The following ARPP19 variants were observed in gnomAD, a reference collection of about 807,000 sequenced individuals.
ARPP19 encodes the protein cAMP regulated phosphoprotein 19.
A neutral mutation model predicts 12.0 loss-of-function variants in ARPP19; 8 were observed. The observed-to-expected ratio is 0.67, with a 90% CI of 0.39 to 1.21. The LOEUF is 1.21. Ranked by LOEUF, ARPP19 falls within the 50% of genes most tolerant of loss-of-function variation. The pLI is 0.01. For missense variants in ARPP19, 102 were observed against 136.3 expected, an observed-to-expected ratio of 0.75 and a Z score of 1.25; for synonymous variants, 47 against 50.4, an observed-to-expected ratio of 0.93 and a Z score of 0.29.
Position 52,548,176 on chromosome 15 carries a change from TAAAC to T in ARPP19, c.*3754_*3757del, listed in dbSNP as rs2077895529. 6.6e-6 allele frequency: 1 copy of T among 152,226 alleles called. No individual in the cohort carries two copies. 9.4% of individuals were successfully genotyped at this position (152,226 alleles called of 1,614,324 possible). A position where few individuals can be genotyped will look rare whatever the true frequency, so the allele number is the denominator to read the frequency against. On this transcript the variant is annotated 3_prime_UTR_variant, in exon 3 of 3. Coordinates refer to ENST00000249822, the MANE Select transcript of ARPP19 (RefSeq NM_006628.6). ...AATATTATGTGGAAAATTCCAGAAA[TAAAC>T]AATTCATGTTTTAAATCATAAGCCG...
chr15:52,563,873 C>T lies in ARPP19; in HGVS notation c.45+4975G>A, dbSNP rs112312221. Among the ~76,000 whole-genome samples, 994 of 152,316 alleles carry T rather than the reference C, an allele frequency of 6.5e-3. 6 individuals are homozygous for T. Among genetic ancestry groups the T allele is most frequent in the Middle Eastern group, 0.01 (3 of 294 alleles). On this transcript the variant is annotated intron_variant, in intron 1 of 2. Coordinates refer to ENST00000249822, the MANE Select transcript of ARPP19 (RefSeq NM_006628.6). ...CTGTATCAAGCTCTATGGAAAATTA[C>T]TGTTGTCATTCTATTAAGTCTTTGT... is the stretch of plus-strand genomic sequence containing the variant.
chr15:52,550,554 T>A lies in ARPP19; in HGVS notation c.*1380A>T, dbSNP rs1043372118. The A allele has an allele frequency of 5.9e-5, 9 of 152,062 alleles. No individual in the cohort carries two copies. The highest frequency in any genetic ancestry group is 1.9e-4 in the African/African-American group (8 of 41,396). The allele number at this position is 152,062 out of a possible 1,614,324, so 9.4% of individuals were successfully genotyped here. ...AGTTAACTTGAGCCTAGGAGTAAGGTTGCAGTGAGCTGTGATTGCACTACT... is the reference window on the plus strand; with the variant it reads ...AGTTAACTTGAGCCTAGGAGTAAGGATGCAGTGAGCTGTGATTGCACTACT... On this transcript the variant is annotated 3_prime_UTR_variant, in exon 3 of 3. Transcript: ENST00000249822.
rs1595857500 is a variant in ARPP19 at position 52,547,452 on chromosome 15, G to A, written c.*4482C>T. 1 of 152,322 alleles carries A rather than the reference G, an allele frequency of 6.6e-6. No homozygotes were observed. The highest frequency in any genetic ancestry group is 3.4e-3 in the Middle Eastern group (1 of 294). The allele number at this position is 152,322 out of a possible 1,614,324, so 9.4% of individuals were successfully genotyped here. A position where few individuals can be genotyped will look rare whatever the true frequency, so the allele number is the denominator to read the frequency against. ...CACAAGTGCTAGTGATGCAGTAACA[G>A]ATCCAAGGGCATAATATTAAATATG... On this transcript the variant is annotated 3_prime_UTR_variant, in exon 3 of 3. Coordinates refer to ENST00000249822, the MANE Select transcript of ARPP19 (RefSeq NM_006628.6).
intron 1 of ARPP19, among the ~76,000 whole-genome samples, chr15:52,567,018 C>A (rs868824115): frequency 4.6e-5 from 7 of 152,158 alleles, no homozygotes; most frequent in African/African-American, 1.7e-4. Context: ...CAATTGGGTA[C>A]ACAGACAATA....
chr15:52,551,881 A>T lies in ARPP19; in HGVS notation c.*53T>A. 7.5e-7 allele frequency: 1 copy of T among 1,334,562 alleles called. No homozygotes were observed. Among genetic ancestry groups the T allele is most frequent in the South Asian group, 1.3e-5 (1 of 79,910 alleles). The allele number at this position is 1,334,562 out of a possible 1,614,324, so 82.7% of individuals were successfully genotyped here. ...AGGAAATAAAAAGTAGATAAGTAACATATTAAGGAGAAATAATGAGATTTA... is the reference window on the plus strand; with the variant it reads ...AGGAAATAAAAAGTAGATAAGTAACTTATTAAGGAGAAATAATGAGATTTA... On this transcript the variant is annotated 3_prime_UTR_variant, in exon 3 of 3. Coordinates refer to ENST00000249822, the MANE Select transcript of ARPP19 (RefSeq NM_006628.6).
rs1320603366 is a variant in ARPP19, at chr15:52,557,132, A to T, written c.136T>A (p.Ser46Thr). 6.2e-7 allele frequency: 1 copy of T among 1,612,474 alleles called. No homozygotes were observed. The highest frequency in any genetic ancestry group is 2.2e-5 in the East Asian group (1 of 44,818). Residue 46 changes from serine (S) to threonine (T), a missense_variant, in exon 2 of 3, where the codon TCA (serine) becomes ACA (threonine). By Grantham distance (58) the Ser-to-Thr change is moderately conservative. Coordinates refer to ENST00000249822, the MANE Select transcript of ARPP19 (RefSeq NM_006628.6). ...YPHLGQKPGG[S>T]DFLRKRLQKG... ...TGCAACCGTTTCCTTAAGAAATCTGAACCTCCAGGCTTTTGTCCCAGATGA... is the reference window on the plus strand; with the variant it reads ...TGCAACCGTTTCCTTAAGAAATCTGTACCTCCAGGCTTTTGTCCCAGATGA...
chr15:52,552,238 T>C (rs1436092567), intron 2 of ARPP19, 134 bp from the exon 3 acceptor site: 1 of 618,840 alleles, frequency 1.6e-6, no homozygotes, highest in Non-Finnish European at 2.9e-6. Flanking sequence ...GATGAAATAG[T>C]CTCTGTACTG....
chr15:52,561,701 CA>C (rs1177554990), intron 1 of ARPP19, among the ~76,000 whole-genome samples: 2 of 150,356 alleles, frequency 1.3e-5, no homozygotes, highest in East Asian at 3.9e-4. Context: ...TAAGGAGAAA[CA>C]AATCCCAATA....
chr15:52,563,788 C>G (rs577255244), intron 1 of ARPP19, among the ~76,000 whole-genome samples: 12 of 152,296 alleles, frequency 7.9e-5, no homozygotes, highest in African/African-American at 2.9e-4. Context: ...TGACGAATAA[C>G]TAGAAAGGAT....
At position 52,564,266 on chromosome 15, in the gene ARPP19, A is replaced by G. The variant is rs1286026595; in HGVS notation, c.45+4582T>C. On this transcript the variant is annotated intron_variant, in intron 1 of 2. Transcript: ENST00000249822. ...TTCACTCTGAATAGAAATAGAAAACATGGATGAGGCGGTTGCTCACACCTG... is the reference window on the plus strand; with the variant it reads ...TTCACTCTGAATAGAAATAGAAAACGTGGATGAGGCGGTTGCTCACACCTG... The G allele has an allele frequency of 7.2e-6, 11 of 1,527,414 alleles. No individual in the cohort carries two copies. The South Asian group carries it at 1.3e-4, about 18-fold the overall frequency. 94.6% of individuals were successfully genotyped at this position (1,527,414 alleles called of 1,614,324 possible).
chr15:52,567,923 T>C (rs561094916), intron 1 of ARPP19, among the ~76,000 whole-genome samples: 2 of 152,084 alleles, frequency 1.3e-5, no homozygotes, highest in East Asian at 1.9e-4. Flanking sequence ...GTAAGAAAAA[T>C]TGTTGATAAA....
intron 1 of ARPP19, among the ~76,000 whole-genome samples, chr15:52,558,478 A>AG: frequency 6.6e-6 from 1 of 150,724 alleles, no homozygotes; most frequent in South Asian, 2.1e-4. Context: ...CAGAAAAAAA[A>AG]AAAAAAAGAA....
chr15:52,557,800 G>C (rs1566895982), intron 1 of ARPP19: 2 of 151,770 alleles, frequency 1.3e-5, no homozygotes, highest in Admixed American at 1.3e-4. Context: ...GGCTGGTCTT[G>C]AACTCCTGGG....
rs1279222685 is a variant in ARPP19 at position 52,549,173 on chromosome 15, A to G, written c.*2761T>C. ...AGACTTTAGTTTTCATGAAGTATTT[A>G]TCAACAACTTCAATTTATTCCAACA... On this transcript the variant is annotated 3_prime_UTR_variant, in exon 3 of 3. Coordinates refer to ENST00000249822, the MANE Select transcript of ARPP19 (RefSeq NM_006628.6). 1 of 152,242 alleles carries G rather than the reference A, an allele frequency of 6.6e-6. No individual in the cohort carries two copies. Among genetic ancestry groups the G allele is most frequent in the Non-Finnish European group, 1.5e-5 (1 of 68,028 alleles). The allele number at this position is 152,242 out of a possible 1,614,324, so 9.4% of individuals were successfully genotyped here.
rs893102385 is a variant in ARPP19, at chr15:52,548,534, T to C, written c.*3400A>G. On this transcript the variant is annotated 3_prime_UTR_variant, in exon 3 of 3. Coordinates refer to ENST00000249822, the MANE Select transcript of ARPP19 (RefSeq NM_006628.6). ...ATAAATCACAAGCCATCCTGAGTGA[T>C]GAAATCTCATGATCTCCTGCTCTGT... 2 of 152,414 alleles carry C rather than the reference T, an allele frequency of 1.3e-5. No individual in the cohort carries two copies. Among genetic ancestry groups the C allele is most frequent in the African/African-American group, 4.8e-5 (2 of 41,444 alleles). The allele number at this position is 152,414 out of a possible 1,614,324, so 9.4% of individuals were successfully genotyped here.
intron 1 of ARPP19, among the ~76,000 whole-genome samples, chr15:52,560,452 G>T (rs11858238): frequency 6.6e-6 from 1 of 152,122 alleles, no homozygotes; most frequent in Non-Finnish European, 1.5e-5. Flanking sequence ...AAAACAAGCC[G>T]ATTCTTGAAC....
At chr15:52,569,076 C>G, upstream of ARPP19, 1 of 565,976 alleles carries the variant, frequency 1.8e-6, no homozygotes, top group East Asian at 3.5e-5. Context: ...CCTCGCACGC[C>G]GGAGCCCGCC....
chr15:52,568,948 G>T lies in ARPP19; in HGVS notation c.-56C>A. 1 of 1,065,192 alleles carries T rather than the reference G, an allele frequency of 9.4e-7. No homozygotes were observed. The allele number at this position is 1,065,192 out of a possible 1,614,324, so 66.0% of individuals were successfully genotyped here. A position where few individuals can be genotyped will look rare whatever the true frequency, so the allele number is the denominator to read the frequency against. ...AAAGATGCAATTAGCGGGTGGCCGA[G>T]GCCACCCGGCCGCCGCCCGTCCCAG... On this transcript the variant is annotated 5_prime_UTR_variant, in exon 1 of 3. Coordinates refer to ENST00000249822, the MANE Select transcript of ARPP19 (RefSeq NM_006628.6).
At position 52,555,911 on chromosome 15, in the gene ARPP19, C is replaced by G. The variant is rs565879503; in HGVS notation, c.168+1189G>C. Among the ~76,000 whole-genome samples the G allele has an allele frequency of 1.3e-4, 20 of 152,000 alleles. No individual in the cohort carries two copies. In the East Asian group the frequency reaches 3.9e-3, roughly 29 times the overall value. Reference sequence around the variant, plus strand: ...GTTAAAATCCTTTATCCAGGAGCACCTTAAGTGTTTTTCTTGTACACTTAA... The same window carrying G: ...GTTAAAATCCTTTATCCAGGAGCACGTTAAGTGTTTTTCTTGTACACTTAA... On this transcript the variant is annotated intron_variant, in intron 2 of 2. Transcript: ENST00000249822.
Sources: allele counts gnomAD v4.1 joint callset (sites outside exome capture counted in the v4.1 genomes callset), GRCh38; gene constraint gnomAD v4.1.1; transcripts MANE v1.5; gene names NCBI Gene and HGNC (gene_info 2026-07-23, HGNC 2026-07-21).